SPAG16: variants seen among roughly 807,000 people sequenced by gnomAD.
The protein encoded by SPAG16 is sperm associated antigen 16.
SPAG16 carries 86 observed loss-of-function variants against 80.4 expected under a neutral mutation model. The ratio of observed to expected loss-of-function variants is 1.07; its 90% confidence interval spans 0.90 to 1.28. The LOEUF is 1.28. Ranked by LOEUF, SPAG16 falls within the 50% of genes most tolerant of loss-of-function variation. SPAG16 has a pLI of 0.00. For synonymous variants in SPAG16, 294 were observed against 265.9 expected (o/e 1.11, Z -1.03); for missense variants, 870 against 765.3 (o/e 1.14, Z -1.61).
chr2:213,973,062 GC>G (rs1474759940), intron 12 of SPAG16, among the ~76,000 whole-genome samples: 16 of 152,230 alleles, frequency 1.1e-4, no homozygotes, highest in African/African-American at 3.9e-4. Flanking sequence ...GATTTAGCCA[GC>G]CCAGTTAAAG....
chr2:213,566,666 T>A (rs542968017), intron 10 of SPAG16, among the ~76,000 whole-genome samples: 1 of 152,350 alleles, frequency 6.6e-6, no homozygotes, highest in South Asian at 2.1e-4. Context: ...TTAGAATTTT[T>A]AATTATTTTT....
At chr2:214,319,780 T>C (rs1443549915) in intron 15 of SPAG16, among the ~76,000 whole-genome samples, 1 of 152,224 alleles carries the variant, frequency 6.6e-6, no homozygotes, top group East Asian at 1.9e-4. Flanking sequence ...TGCTCATTAA[T>C]ATTATTGAAG....
At chr2:213,674,707 C>T (rs1182269294) in intron 10 of SPAG16, among the ~76,000 whole-genome samples, 1 of 150,196 alleles carries the variant, frequency 6.7e-6, no homozygotes, top group Non-Finnish European at 1.5e-5. Flanking sequence ...CTACAAAGGA[C>T]GTGAACTCAT....
At chr2:213,872,095 C>G (rs1559541100) in intron 11 of SPAG16, among the ~76,000 whole-genome samples, 1 of 152,078 alleles carries the variant, frequency 6.6e-6, no homozygotes, top group Non-Finnish European at 1.5e-5. Context: ...AATCTGTAAT[C>G]AGCTGACTTT....
At chr2:213,975,513 C>A (rs1485478913) in intron 12 of SPAG16, among the ~76,000 whole-genome samples, 1 of 151,516 alleles carries the variant, frequency 6.6e-6, no homozygotes, top group Non-Finnish European at 1.5e-5. Flanking sequence ...TTCCAAACTG[C>A]AAATGATGAT....
intron 11 of SPAG16, among the ~76,000 whole-genome samples, chr2:213,922,783 C>T (rs2078283666): frequency 6.6e-6 from 1 of 151,908 alleles, no homozygotes; most frequent in African/African-American, 2.4e-5. Context: ...GATTCTAGTA[C>T]ACTACTGGGT....
chr2:213,743,409 C>T (rs1320479375), intron 10 of SPAG16, among the ~76,000 whole-genome samples: 1 of 152,206 alleles, frequency 6.6e-6, no homozygotes, highest in Non-Finnish European at 1.5e-5. Flanking sequence ...CTGAGATCAA[C>T]TTCCTTCTGT....
chr2:213,817,629 A>G (rs955534196), intron 10 of SPAG16, among the ~76,000 whole-genome samples: 3 of 152,182 alleles, frequency 2.0e-5, no homozygotes, highest in Admixed American at 1.3e-4. Flanking sequence ...TGGTACATAT[A>G]TACCATAGAA....
chr2:213,895,771 C>T (rs76775486), intron 11 of SPAG16, among the ~76,000 whole-genome samples: 2,634 of 152,068 alleles, frequency 0.017, 61 homozygotes, highest in African/African-American at 0.05. Context: ...TTACCACACA[C>T]AAAAATAAAA....
intron 13 of SPAG16, among the ~76,000 whole-genome samples, chr2:214,076,068 TAGTAG>T (rs1230983559): frequency 6.6e-6 from 1 of 152,182 alleles, no homozygotes; most frequent in East Asian, 1.9e-4. Context: ...ATATTTGACA[TAGTAG>T]AGTATATATT....
chr2:213,802,875 A>C (rs1371657877), intron 10 of SPAG16, among the ~76,000 whole-genome samples: 1 of 152,134 alleles, frequency 6.6e-6, no homozygotes, highest in East Asian at 1.9e-4. Flanking sequence ...TAAAATTGCA[A>C]AATAGAAGAA....
intron 13 of SPAG16, among the ~76,000 whole-genome samples, chr2:214,059,098 A>G (rs2050094416): frequency 6.6e-6 from 1 of 150,628 alleles, no homozygotes; most frequent in African/African-American, 2.4e-5. Context: ...AATCTCTTGA[A>G]CCCAGGAGGC....
intron 10 of SPAG16, among the ~76,000 whole-genome samples, chr2:213,768,684 T>C (rs916614880): frequency 6.6e-6 from 1 of 152,218 alleles, no homozygotes. Flanking sequence ...TTGCAATGTT[T>C]GTGAGAAATC....
chr2:214,232,935 A>G (rs1406784013), intron 15 of SPAG16, among the ~76,000 whole-genome samples: 1 of 152,080 alleles, frequency 6.6e-6, no homozygotes, highest in Non-Finnish European at 1.5e-5. Context: ...AAAATGTAGC[A>G]TATCTATGCA....
chr2:214,323,328 A>T (rs200701955), intron 15 of SPAG16, among the ~76,000 whole-genome samples: 6 of 143,188 alleles, frequency 4.2e-5, no homozygotes, highest in South Asian at 2.2e-4. Flanking sequence ...TTAAATATAT[A>T]TATATATTTA....
intron 10 of SPAG16, among the ~76,000 whole-genome samples, chr2:213,550,679 C>T (rs2076753519): frequency 6.6e-6 from 1 of 152,072 alleles, no homozygotes; most frequent in Admixed American, 6.5e-5. Flanking sequence ...GCATTATATT[C>T]ACTGTTACAA....
At chr2:213,519,102 A>C (rs2075560461) in intron 10 of SPAG16, among the ~76,000 whole-genome samples, 1 of 152,198 alleles carries the variant, frequency 6.6e-6, no homozygotes, top group African/African-American at 2.4e-5. Context: ...TGCCTATTGC[A>C]TACTATGCTC....
At position 213,473,251 on chromosome 2, in the gene SPAG16, G is replaced by A. The variant is rs75036284; in HGVS notation, c.943-16712G>A. On this transcript the variant is annotated intron_variant, in intron 9 of 15. Coordinates refer to ENST00000331683, the MANE Select transcript of SPAG16 (RefSeq NM_024532.5). Reference sequence around the variant, plus strand: ...CTTCTTTGTCTCTGCTATCCATTACGGTACCTATGCTCACCTTGCTTTTGA... The same window carrying A: ...CTTCTTTGTCTCTGCTATCCATTACAGTACCTATGCTCACCTTGCTTTTGA... Among the ~76,000 whole-genome samples the A allele has an allele frequency of 3.6e-4, 54 of 152,088 alleles. 1 individual carries two copies. The East Asian group carries it at 0.01, about 28-fold the overall frequency.
intron 10 of SPAG16, among the ~76,000 whole-genome samples, chr2:213,616,129 T>TAA (rs1189002098): frequency 6.6e-6 from 1 of 152,172 alleles, no homozygotes; most frequent in African/African-American, 2.4e-5. Flanking sequence ...TAACAAATGC[T>TAA]CAAAGCCATG....
Sources: gnomAD v4.1 joint callset for allele counts (sites outside exome capture counted in the v4.1 genomes callset) on GRCh38, gnomAD v4.1.1 for gene constraint, MANE v1.5 for transcripts, NCBI Gene and HGNC (gene_info 2026-07-23, HGNC 2026-07-21) for gene names.